Variants in SUPT3H observed in about 807,000 individuals in gnomAD.
SUPT3H encodes transcription initiation protein SPT3 homolog.
SUPT3H carries 44 observed loss-of-function variants against 44.3 expected under a neutral mutation model. That is an observed-to-expected ratio of 0.99 (90% CI 0.78 to 1.28). SUPT3H has a LOEUF of 1.28. Among genes scored for constraint, SUPT3H ranks in the 50% most tolerant of loss-of-function variants. The pLI, the probability that SUPT3H is intolerant of heterozygous loss-of-function variation, is 0.00. For synonymous variants in SUPT3H, 124 were observed against 125.6 expected, an observed-to-expected ratio of 0.99 and a Z score of 0.09; for missense variants, 380 against 387.1, an observed-to-expected ratio of 0.98 and a Z score of 0.15.
intron 2 of SUPT3H, among the ~76,000 whole-genome samples, chr6:45,180,444 A>G (rs1293111673): frequency 6.7e-6 from 1 of 149,054 alleles, no homozygotes; most frequent in Non-Finnish European, 1.5e-5. Context: ...AGCTGGAGGC[A>G]TCACGCTACC....
chr6:45,153,018 T>C (rs1221356910), intron 2 of SUPT3H, among the ~76,000 whole-genome samples: 1 of 152,150 alleles, frequency 6.6e-6, no homozygotes, highest in African/African-American at 2.4e-5. Flanking sequence ...CATTTGCTAT[T>C]CTCTCACACA....
intron 3 of SUPT3H, among the ~76,000 whole-genome samples, chr6:45,052,194 G>C (rs867777003): frequency 6.6e-6 from 1 of 152,064 alleles, no homozygotes; most frequent in African/African-American, 2.4e-5. Flanking sequence ...TAGAAGATTC[G>C]GAATATATTT....
At chr6:44,976,819 T>C (rs1778405558) in intron 6 of SUPT3H, among the ~76,000 whole-genome samples, 1 of 152,230 alleles carries the variant, frequency 6.6e-6, no homozygotes, top group African/African-American at 2.4e-5. Context: ...TATACTTAGA[T>C]TCAGTATAGG....
In SUPT3H at chr6:45,204,104, G is replaced by A. The variant is rs1400171284; in HGVS notation, c.102-98098C>T. 2.6e-5 allele frequency among the ~76,000 whole-genome samples: 4 copies of A among 151,886 alleles called. No individual in the cohort carries two copies. In the South Asian group the frequency reaches 8.3e-4, roughly 32 times the overall value. ...TCTACTAAAAATACAAAAATTCGCC[G>A]GGTGTGGTGGTGCATGCCTATAGTC... On this transcript the variant is annotated intron_variant, in intron 2 of 10. Coordinates refer to ENST00000371459, the MANE Select transcript of SUPT3H (RefSeq NM_003599.4).
At position 45,024,285 on chromosome 6, in the gene SUPT3H, A is replaced by G. The variant is rs74904625; in HGVS notation, c.187-3653T>C. ...CCTCAAATGCCACATCTTTGACCCT[A>G]TAAATAAATCTGTTCTCAATTTCAC... On this transcript the variant is annotated intron_variant, in intron 3 of 10. Coordinates refer to ENST00000371459, the MANE Select transcript of SUPT3H (RefSeq NM_003599.4). Among the ~76,000 whole-genome samples the G allele has an allele frequency of 1.9e-3, 291 of 152,304 alleles. 2 individuals carry two copies. Among genetic ancestry groups the G allele is most frequent in the African/African-American group, 6.7e-3 (278 of 41,564 alleles).
At chr6:45,193,640 C>T (rs1339947107) in intron 2 of SUPT3H, among the ~76,000 whole-genome samples, 6 of 152,050 alleles carry the variant, frequency 3.9e-5, no homozygotes, top group Non-Finnish European at 8.8e-5. Context: ...CGCTTGAACC[C>T]GGGAGGCAGG....
chr6:45,128,198 T>A (rs1407635206), intron 2 of SUPT3H, among the ~76,000 whole-genome samples: 2 of 152,016 alleles, frequency 1.3e-5, no homozygotes, highest in Non-Finnish European at 2.9e-5. Context: ...CAAGCTAAAG[T>A]AAACTGTCTT....
chr6:45,227,658 A>G (rs1767182831), intron 2 of SUPT3H, among the ~76,000 whole-genome samples: 1 of 152,222 alleles, frequency 6.6e-6, no homozygotes, highest in South Asian at 2.1e-4. Context: ...CTAGATCACA[A>G]CTGGTTTCCC....
chr6:44,862,410 C>A (rs151323887), intron 10 of SUPT3H, among the ~76,000 whole-genome samples: 1 of 152,086 alleles, frequency 6.6e-6, no homozygotes, highest in African/African-American at 2.4e-5. Flanking sequence ...GGCGCAGTGA[C>A]ACACACCTGT....
chr6:45,177,518 T>A (rs1234309972), intron 2 of SUPT3H, among the ~76,000 whole-genome samples: 1 of 152,036 alleles, frequency 6.6e-6, no homozygotes, highest in East Asian at 1.9e-4. Context: ...CAGGAGAACT[T>A]CCCCAATCTA....
intron 6 of SUPT3H, among the ~76,000 whole-genome samples, chr6:44,982,495 G>A (rs909777951): frequency 5.3e-5 from 8 of 152,186 alleles, no homozygotes; most frequent in African/African-American, 1.2e-4. Flanking sequence ...GATTACAGGC[G>A]TGAGCCACCA....
At chr6:44,926,497 T>G (rs935719507) in intron 10 of SUPT3H, among the ~76,000 whole-genome samples, 11 of 152,240 alleles carry the variant, frequency 7.2e-5, no homozygotes, top group African/African-American at 2.6e-4. Flanking sequence ...AAAAATTTAT[T>G]CACATAAGTT....
At chr6:44,894,946 T>C (rs992186570) in intron 10 of SUPT3H, among the ~76,000 whole-genome samples, 10 of 151,938 alleles carry the variant, frequency 6.6e-5, no homozygotes, top group African/African-American at 2.2e-4. Flanking sequence ...AATTTCACTT[T>C]TCCACTAGGT....
At chr6:45,371,721 C>T (rs1796096118) in intron 1 of SUPT3H, among the ~76,000 whole-genome samples, 1 of 152,114 alleles carries the variant, frequency 6.6e-6, no homozygotes, top group South Asian at 2.1e-4. Flanking sequence ...ACTTTAAACA[C>T]TCAGTTAAGA....
At chr6:44,906,036 G>A (rs942035254) in intron 10 of SUPT3H, among the ~76,000 whole-genome samples, 5 of 152,102 alleles carry the variant, frequency 3.3e-5, no homozygotes, top group Middle Eastern at 6.8e-3. Flanking sequence ...GCGGTGGGGG[G>A]ATGGGGAGGG....
chr6:45,193,171 T>C (rs976569533), intron 2 of SUPT3H, among the ~76,000 whole-genome samples: 7 of 152,274 alleles, frequency 4.6e-5, no homozygotes, highest in African/African-American at 1.7e-4. Context: ...GGAATAAATG[T>C]TCTTTGAAAC....
chr6:44,940,256 T>C (rs932387984), intron 9 of SUPT3H, among the ~76,000 whole-genome samples: 3 of 152,066 alleles, frequency 2.0e-5, no homozygotes, highest in African/African-American at 7.2e-5. Flanking sequence ...TCCATTTTCA[T>C]TTGTTTCAAA....
At chr6:45,186,862 A>G (rs1584128752) in intron 2 of SUPT3H, among the ~76,000 whole-genome samples, 1 of 152,174 alleles carries the variant, frequency 6.6e-6, no homozygotes, top group Admixed American at 6.5e-5. Flanking sequence ...GTCACAGAGA[A>G]GAACCTGAAT....
intron 10 of SUPT3H, among the ~76,000 whole-genome samples, chr6:44,905,785 C>T (rs893964512): frequency 6.6e-6 from 1 of 152,168 alleles, no homozygotes; most frequent in Non-Finnish European, 1.5e-5. Context: ...GTCCAACCAA[C>T]AATGATAGAC....
Sources: gnomAD v4.1 joint callset for allele counts (sites outside exome capture counted in the v4.1 genomes callset) on GRCh38, gnomAD v4.1.1 for gene constraint, MANE v1.5 for transcripts, NCBI Gene and HGNC (gene_info 2026-07-23, HGNC 2026-07-21) for gene names.